Variants in NBAS observed in about 807,000 individuals in gnomAD.
NBAS encodes NBAS subunit of NRZ tethering complex.
In NBAS, 219 loss-of-function variants were observed where a neutral mutation model predicts 302.5. That is an observed-to-expected ratio of 0.72 (90% CI 0.65 to 0.81). The LOEUF is 0.81. NBAS is among the 30% of genes least tolerant of loss of function. The probability of loss-of-function intolerance (pLI) is 0.00; values close to 1 mark genes in which losing one functional copy is unlikely to be tolerated. For missense variants in NBAS, 2,932 were observed against 2,841.6 expected (o/e 1.03, Z -0.72); for synonymous variants, 1,118 against 1,021.6 (o/e 1.09, Z -1.80).
At chr2:15,195,913 T>C (rs1665598773) in intron 48 of NBAS, among the ~76,000 whole-genome samples, 1 of 152,224 alleles carries the variant, frequency 6.6e-6, no homozygotes, top group African/African-American at 2.4e-5. Flanking sequence ...AGGGCTGGCA[T>C]GCCATGGAGC....
intron 12 of NBAS, chr2:15,483,503 A>C (rs1205330426): frequency 4.7e-6 from 1 of 211,032 alleles, no homozygotes; most frequent in Non-Finnish European, 1.0e-5. Flanking sequence ...AGATGTAAAG[A>C]TATAAACATA....
At chr2:15,053,605 C>T in the NBAS span, among the ~76,000 whole-genome samples, 1 of 152,034 alleles carries the variant, frequency 6.6e-6, no homozygotes, top group African/African-American at 2.4e-5. Context: ...GACCTGAGTC[C>T]TCCAGAGAAA....
At chr2:15,300,213 C>A (rs114453227) in intron 40 of NBAS, among the ~76,000 whole-genome samples, 1 of 152,168 alleles carries the variant, frequency 6.6e-6, no homozygotes, top group Non-Finnish European at 1.5e-5. Flanking sequence ...AGCATTCCTG[C>A]AGCGCATATC....
intron 49 of NBAS, among the ~76,000 whole-genome samples, chr2:15,188,311 T>G (rs1455657992): frequency 6.6e-6 from 1 of 152,250 alleles, no homozygotes; most frequent in Admixed American, 6.5e-5. Flanking sequence ...GTAACCTTTT[T>G]GTGTTGATGG....
At chr2:14,847,465 A>G in the NBAS span, among the ~76,000 whole-genome samples, 2,982 of 151,434 alleles carry the variant, frequency 0.02, 33 homozygotes, top group Non-Finnish European at 0.032. Flanking sequence ...ATGAAAATCA[A>G]AAAAGAACAG....
rs1273641442 is a variant in NBAS, at chr2:15,561,190, G to C, written c.115C>G (p.Gln39Glu). The C allele has an allele frequency of 3.1e-6, 5 of 1,613,410 alleles. No homozygotes were observed. The highest frequency in any genetic ancestry group is 3.4e-6 in the Non-Finnish European group (4 of 1,179,854). ...NTEWPPETEV[Q>E]PRGNQKHGAS... ...TGCTGTAGATGGGCCTGGTTCACCT[G>C]TACTTCAGTCTCCGGTGGCCACTCG... Residue 39 changes from glutamine (Q) to glutamate (E), a missense_variant and splice_region_variant, in exon 1 of 52, where the codon CAG becomes GAG. Gln to Glu is a conservative substitution (Grantham distance 29, BLOSUM62 2). Transcript: ENST00000281513.
chr2:14,836,639 T>G, the NBAS span, among the ~76,000 whole-genome samples: 2 of 151,916 alleles, frequency 1.3e-5, no homozygotes, highest in African/African-American at 2.4e-5. Context: ...TTAAAACAAG[T>G]TTTTTATATC....
the NBAS span, among the ~76,000 whole-genome samples, chr2:14,883,975 AAAAAT>A: frequency 6.6e-6 from 1 of 151,550 alleles, no homozygotes; most frequent in Admixed American, 6.6e-5. Context: ...TTCTCTCAAA[AAAAAT>A]AAAATAAAAT....
intron 51 of NBAS, 108 bp downstream of exon 51, chr2:15,178,880 G>A: frequency 1.4e-6 from 2 of 1,464,810 alleles, no homozygotes; most frequent in African/African-American, 2.8e-5. Flanking sequence ...TATAGATATA[G>A]TAGTCTTCAA....
At chr2:15,546,972 G>A (rs575459554) in intron 6 of NBAS, among the ~76,000 whole-genome samples, 2 of 152,092 alleles carry the variant, frequency 1.3e-5, no homozygotes, top group Admixed American at 1.3e-4. Context: ...TAGGAAACTC[G>A]CATTTATGGT....
the NBAS span, among the ~76,000 whole-genome samples, chr2:14,845,988 A>G: frequency 6.6e-6 from 1 of 152,200 alleles, no homozygotes; most frequent in South Asian, 2.1e-4. Flanking sequence ...TAGAAAGTTT[A>G]TTCAAAGCGA....
chr2:15,353,642 G>A lies in NBAS; in HGVS notation c.4000C>T (p.Arg1334Cys), dbSNP rs142475355. 32 of 1,613,950 alleles carry A rather than the reference G, an allele frequency of 2.0e-5. No individual in the cohort carries two copies. Among genetic ancestry groups the A allele is most frequent in the Non-Finnish European group, 2.5e-5 (30 of 1,179,966 alleles). ...AAAGCAAAAGCCATGAGCTCTTGAC[G>A]AGTGGCCAAGTCCTGGTAACCTTCT... The part of the protein sequence containing the change: ...QSEGYQDLAT[R>C]QELMAFALTH... The change falls in exon 34 of 52, where the codon CGT (arginine) becomes TGT (cysteine). Residue 1334 changes from arginine (R) to cysteine (C), a missense_variant. Arg to Cys is a radical substitution (Grantham distance 180). Transcript: ENST00000281513.
At position 15,178,076 on chromosome 2, in the gene NBAS, A is replaced by G. The variant is rs1365441968; in HGVS notation, c.6840+912T>C. 3 of 456,588 alleles carry G rather than the reference A, an allele frequency of 6.6e-6. No homozygotes were observed. The East Asian group carries it at 2.1e-4, about 32-fold the overall frequency. The allele number at this position is 456,588 out of a possible 1,614,324, so 28.3% of individuals were successfully genotyped here. On this transcript the variant is annotated intron_variant, in intron 51 of 51. Coordinates refer to ENST00000281513, the MANE Select transcript of NBAS (RefSeq NM_015909.4). Reference sequence around the variant, plus strand: ...AACTTTATATCAGTGATGTCTTTTCATCAACCTCTTCACTGTCTTGAGTAG... The same window carrying G: ...AACTTTATATCAGTGATGTCTTTTCGTCAACCTCTTCACTGTCTTGAGTAG...
the NBAS span, among the ~76,000 whole-genome samples, chr2:15,031,054 T>G: frequency 6.6e-6 from 1 of 152,252 alleles, no homozygotes. Flanking sequence ...CTCCATCATT[T>G]GATTACAAAT....
chr2:14,993,469 T>C, the NBAS span, among the ~76,000 whole-genome samples: 1 of 152,226 alleles, frequency 6.6e-6, no homozygotes, highest in African/African-American at 2.4e-5. Context: ...CATTCCATTC[T>C]TATTGGTCAT....
At chr2:14,890,863 A>C in the NBAS span, 6,193 of 161,912 alleles carry the variant, frequency 0.038, 160 homozygotes, top group Non-Finnish European at 0.051. Context: ...ACAAAAAAAA[A>C]CATGTTCTCT....
chr2:14,811,973 G>A, the NBAS span, among the ~76,000 whole-genome samples: 61,920 of 152,054 alleles, frequency 0.41, 13,282 homozygotes, highest in African/African-American at 0.54. Context: ...TCAGTACAAA[G>A]CTTAGGGGAT....
chr2:15,500,812 T>G (rs1020351962), intron 11 of NBAS, among the ~76,000 whole-genome samples: 1 of 151,496 alleles, frequency 6.6e-6, no homozygotes, highest in Admixed American at 6.6e-5. Context: ...TAGTCCCAGC[T>G]ACTCAGGAGG....
chr2:14,807,518 G>A, the NBAS span, among the ~76,000 whole-genome samples: 1 of 151,584 alleles, frequency 6.6e-6, no homozygotes, highest in Non-Finnish European at 1.5e-5. Flanking sequence ...CCCCTGTTGG[G>A]CTCAGAGGCA....
Sources: gnomAD v4.1 joint callset for allele counts (sites outside exome capture counted in the v4.1 genomes callset) on GRCh38, gnomAD v4.1.1 for gene constraint, MANE v1.5 for transcripts, NCBI Gene and HGNC (gene_info 2026-07-23, HGNC 2026-07-21) for gene names.